The following FLT4 variants were observed in gnomAD, a reference collection of about 807,000 sequenced individuals.
FLT4 encodes vascular endothelial growth factor receptor 3.
A neutral mutation model predicts 163.2 loss-of-function variants in FLT4; 30 were observed. That is an observed-to-expected ratio of 0.18 (90% confidence interval 0.14 to 0.25). FLT4 has a LOEUF of 0.25. Among genes scored for constraint, FLT4 ranks in the 10% least tolerant of loss-of-function variants. The pLI, the probability that FLT4 is intolerant of heterozygous loss-of-function variation, is 1.00. For synonymous variants in FLT4, 884 were observed against 789.5 expected (o/e 1.12, Z -2.01); for missense variants, 1,510 against 1,863.8 (o/e 0.81, Z 3.50).
rs1260161834 is a variant in FLT4, at chr5:180,630,436, G to A, written c.401-99C>T. On this transcript the variant is annotated intron_variant, in intron 3 of 29. Transcript: ENST00000261937. The surrounding 1 kb of genome is among the most constrained non-coding windows in gnomAD (Gnocchi z 6.3). ...GGTGCTGGTCCTGAACCAGCCACCC[G>A]CTGGAGCAGGTAGGGCCCCGTTCTC... is the stretch of plus-strand genomic sequence containing the variant. The A allele has an allele frequency of 3.2e-6, 5 of 1,559,730 alleles. No homozygotes were observed. Among genetic ancestry groups the A allele is most frequent in the South Asian group, 1.1e-5 (1 of 89,140 alleles).
chr5:180,633,601 C>T (rs1278193933), intron 1 of FLT4, among the ~76,000 whole-genome samples: 2 of 152,158 alleles, frequency 1.3e-5, no homozygotes, highest in South Asian at 2.1e-4. Flanking sequence ...TGAGGTGGCT[C>T]CCCTCAGGTG....
At chr5:180,638,362 C>T (rs1432414972) in intron 1 of FLT4, among the ~76,000 whole-genome samples, 2 of 152,192 alleles carry the variant, frequency 1.3e-5, no homozygotes, top group African/African-American at 2.4e-5. Context: ...CCAGCCCATC[C>T]GTTGGCCAGA....
intron 28 of FLT4, chr5:180,609,278 G>A (rs1323583734): frequency 5.0e-6 from 3 of 596,846 alleles, no homozygotes; most frequent in East Asian, 2.8e-5. Context: ...TGTGTGGCCC[G>A]TGGACGCCTC....
At chr5:180,626,695 T>C (rs569373826) in intron 8 of FLT4, among the ~76,000 whole-genome samples, 1 of 152,322 alleles carries the variant, frequency 6.6e-6, no homozygotes, top group Non-Finnish European at 1.5e-5. Context: ...GGGCACGGCC[T>C]GGAGACCCCG....
At chr5:180,619,628 C>G in intron 18 of FLT4, 37 bp downstream of exon 18, 5 of 1,515,468 alleles carry the variant, frequency 3.3e-6, no homozygotes, top group East Asian at 2.3e-5. Context: ...CTGCTCCTCA[C>G]CAGCTAGGCT....
rs1162533424 is a variant in FLT4, at chr5:180,603,235, G to A, written c.4049C>T (p.Ser1350Phe). ...GAAGAAAGTCACGCGGGCAGACGGG[G>A]AGCAGTGGTCCTCCTCGCTTGGCTC... ...LSEPSEEDHC[S>F]PSARVTFFTD... is the part of the protein sequence containing the mutation. Residue 1350 changes from serine to phenylalanine, a missense_variant, in exon 30 of 30, where the codon TCC (serine) becomes TTC (phenylalanine). Physicochemically the swap from Ser to Phe is radical, Grantham distance 155. Transcript: ENST00000261937. The A allele has an allele frequency of 6.2e-7, 1 of 1,614,176 alleles. No individual in the cohort carries two copies. The highest frequency in any genetic ancestry group is 8.5e-7 in the Non-Finnish European group (1 of 1,180,040).
At chr5:180,613,746 T>A in intron 24 of FLT4, 1 of 436,080 alleles carries the variant, frequency 2.3e-6, no homozygotes. Context: ...CACATGGAGC[T>A]CTTGGAGCTC....
At position 180,626,232 on chromosome 5, in the gene FLT4, G is replaced by C. The variant is rs1561730162; in HGVS notation, c.1137C>G (p.His379Gln). The C allele has an allele frequency of 1.2e-6, 2 of 1,612,786 alleles. No homozygotes were observed. The highest frequency in any genetic ancestry group is 1.7e-6 in the Non-Finnish European group (2 of 1,180,010). ...CCTTGAGCACCAGGGCATGTGGACT[G>C]TGGCGCCCGGACAGTGCCTTTCCAT... ...YKDGKALSGRHSPHALVLKEV... is the reference protein window; with the variant it reads ...YKDGKALSGRQSPHALVLKEV... The change falls in exon 9 of 30, where the codon CAC (histidine) becomes CAG (glutamine). Residue 379 changes from histidine to glutamine, a missense_variant. Coordinates refer to ENST00000261937, the MANE Select transcript of FLT4 (RefSeq NM_182925.5).
In FLT4 at chr5:180,619,282, T is replaced by C. The variant is rs372072725; in HGVS notation, c.2732A>G (p.Asn911Ser). The change falls in exon 19 of 30, where the codon AAC (asparagine) becomes AGC (serine). Residue 911 changes from asparagine (N) to serine (S), a missense_variant. This residue lies in a region of FLT4 where 878 missense variants were observed against 1,016.7 expected (regional missense o/e 0.86). Coordinates refer to ENST00000261937, the MANE Select transcript of FLT4 (RefSeq NM_182925.5). ...CGGCTTGGTGCACGCCCCGAGGAGGTTGACCACGTTGAGGTGGTTGCCGAT... is the reference window on the plus strand; with the variant it reads ...CGGCTTGGTGCACGCCCCGAGGAGGCTGACCACGTTGAGGTGGTTGCCGAT... ...IHIGNHLNVV[N>S]LLGACTKPQG... 3.2e-5 allele frequency: 52 copies of C among 1,609,658 alleles called. No individual in the cohort carries two copies. Among genetic ancestry groups the C allele is most frequent in the Admixed American group, 2.2e-4 (13 of 59,906 alleles).
At chr5:180,608,870 T>G (rs1369043588) in intron 29 of FLT4, 98 bp downstream of exon 29, 1 of 1,071,350 alleles carries the variant, frequency 9.3e-7, no homozygotes, top group Non-Finnish European at 1.5e-6. Flanking sequence ...CACGAAAGGT[T>G]CCGGGAAGAG....
rs749368082 is a variant in FLT4 at position 180,618,750 on chromosome 5, G to A, written c.3001+20C>T. 1.9e-6 allele frequency: 3 copies of A among 1,580,530 alleles called. No individual in the cohort carries two copies. Among genetic ancestry groups the A allele is most frequent in the Middle Eastern group, 1.7e-4 (1 of 6,022 alleles). ...CGGGCCCGTCAGGCACTAGGAAAAG[G>A]GAAGAGGCCAGGCTCTCACCTTCTT... On this transcript the variant is annotated intron_variant, in intron 21 of 29. Coordinates refer to ENST00000261937, the MANE Select transcript of FLT4 (RefSeq NM_182925.5).
At chr5:180,643,852 C>T (rs142428022) in intron 1 of FLT4, among the ~76,000 whole-genome samples, 1,697 of 151,246 alleles carry the variant, frequency 0.011, 14 homozygotes, top group Non-Finnish European at 0.018. Context: ...AGTGGAGTCT[C>T]GCCCTGTTGC....
At chr5:180,622,286 A>C (rs559849859) in intron 12 of FLT4, among the ~76,000 whole-genome samples, 99 of 125,276 alleles carry the variant, frequency 7.9e-4, no homozygotes, top group African/African-American at 2.8e-3. Context: ...GCCCTGATCT[A>C]CATCTCTCTG....
intron 10 of FLT4, 106 bp downstream of exon 10, chr5:180,625,763 G>T (rs1334019848): frequency 7.6e-6 from 8 of 1,050,616 alleles, no homozygotes; most frequent in Non-Finnish European, 1.0e-5. Flanking sequence ...CTGAGAAGGG[G>T]TACAGGGAAG....
chr5:180,603,986 C>A lies in FLT4; in HGVS notation c.3894-596G>T, dbSNP rs562832760. Among the ~76,000 whole-genome samples, 3 of 151,994 alleles carry A rather than the reference C, an allele frequency of 2.0e-5. No homozygotes were observed. The East Asian group carries it at 5.8e-4, about 29-fold the overall frequency. On this transcript the variant is annotated intron_variant, in intron 29 of 29. Transcript: ENST00000261937. ...TGCCGCTGCACTCCAGCCTGGGTGA[C>A]AAAGTGAGACCCTGTCTCAAAAACA...
chr5:180,644,681 G>A (rs973837420), intron 1 of FLT4, among the ~76,000 whole-genome samples: 11 of 152,272 alleles, frequency 7.2e-5, no homozygotes, highest in Admixed American at 5.2e-4. Context: ...GTGCCCTGCT[G>A]TGAAGCAATC....
At chr5:180,603,775 G>T (rs1315601710) in intron 29 of FLT4, among the ~76,000 whole-genome samples, 1 of 152,210 alleles carries the variant, frequency 6.6e-6, no homozygotes, top group Admixed American at 6.5e-5. Context: ...GTGGTGGCGG[G>T]CGCCTGTAGT....
intron 1 of FLT4, among the ~76,000 whole-genome samples, chr5:180,646,112 C>T (rs1481296346): frequency 6.6e-6 from 1 of 152,134 alleles, no homozygotes; most frequent in Admixed American, 6.5e-5. Flanking sequence ...CAAGTGCTCC[C>T]AACTTTCCTC....
chr5:180,638,572 C>T (rs538713749), intron 1 of FLT4, among the ~76,000 whole-genome samples: 5 of 152,314 alleles, frequency 3.3e-5, no homozygotes, highest in South Asian at 2.1e-4. Flanking sequence ...TCAATCTCGC[C>T]GGTGCACTGG....
Sources: gnomAD v4.1 joint callset for allele counts (sites outside exome capture counted in the v4.1 genomes callset) on GRCh38, gnomAD v4.1.1 for gene constraint, gnomAD v4.1.1 regional missense constraint, Gnocchi (gnomAD v3.1) non-coding constraint, MANE v1.5 for transcripts, NCBI Gene and HGNC (gene_info 2026-07-23, HGNC 2026-07-21) for gene names.